Variants in CDC123 observed in about 807,000 individuals in gnomAD.
The protein encoded by CDC123 is cell division cycle 123.
CDC123 carries 37 observed loss-of-function variants against 54.4 expected under a neutral mutation model. The ratio of observed to expected loss-of-function variants is 0.68; its 90% CI spans 0.52 to 0.89. CDC123 has a LOEUF of 0.89. Among genes scored for constraint, CDC123 ranks in the 40% least tolerant of loss-of-function variants. CDC123 has a pLI of 0.00. For synonymous variants in CDC123, 144 were observed against 136.8 expected (o/e 1.05, Z -0.37); for missense variants, 361 against 412.1 (o/e 0.88, Z 1.07).
At chr10:12,215,073 G>A (rs942514122) in intron 4 of CDC123, among the ~76,000 whole-genome samples, 1 of 152,076 alleles carries the variant, frequency 6.6e-6, no homozygotes, top group African/African-American at 2.4e-5. Context: ...TTTAACAGCA[G>A]TATTTCTATT....
In CDC123 at chr10:12,250,278, C is replaced by T. The variant is rs762564439; in HGVS notation, c.985-33C>T. 5 of 1,430,858 alleles carry T rather than the reference C, an allele frequency of 3.5e-6. No individual in the cohort carries two copies. In the East Asian group the frequency reaches 1.2e-4, roughly 35 times the overall value. 88.6% of individuals were successfully genotyped at this position (1,430,858 alleles called of 1,614,324 possible). On this transcript the variant is annotated intron_variant, in intron 12 of 12. Transcript: ENST00000281141. ...GAGCAGATATCCCAAGGAGCATGTG[C>T]TATTTTAACATCCCCTTGGTTTTCT... is the stretch of plus-strand genomic sequence containing the variant.
intron 2 of CDC123, among the ~76,000 whole-genome samples, chr10:12,199,429 T>A (rs1168875594): frequency 6.6e-6 from 1 of 152,234 alleles, no homozygotes; most frequent in East Asian, 1.9e-4. Flanking sequence ...TTCATTTTTC[T>A]GCATAACACT....
intron 6 of CDC123, among the ~76,000 whole-genome samples, chr10:12,222,664 T>A (rs1408971522): frequency 6.6e-6 from 1 of 152,222 alleles, no homozygotes; most frequent in East Asian, 1.9e-4. Context: ...AGTGAAAAAA[T>A]AAATTTGTTA....
In CDC123 at chr10:12,229,416, C is replaced by T. The variant is rs1443952929; in HGVS notation, c.441-1532C>T. On this transcript the variant is annotated intron_variant, in intron 6 of 12. Coordinates refer to ENST00000281141, the MANE Select transcript of CDC123 (RefSeq NM_006023.3). ...AGAGTTTCTGTCCAGCTCCATCTGT[C>T]GCAGTTCCCCCTTGAGTCCTGCACT... is the stretch of plus-strand genomic sequence containing the variant. Among the ~76,000 whole-genome samples the T allele has an allele frequency of 4.6e-5, 7 of 152,188 alleles. No homozygotes were observed. The South Asian group carries it at 8.3e-4, about 18-fold the overall frequency.
intron 10 of CDC123, chr10:12,245,720 T>G (rs1836124385): frequency 6.4e-6 from 1 of 157,380 alleles, no homozygotes; most frequent in South Asian, 1.8e-4. Context: ...AGATGGGATA[T>G]AGACAGATGA....
At chr10:12,201,511 G>A (rs190988122) in intron 2 of CDC123, among the ~76,000 whole-genome samples, 2 of 152,196 alleles carry the variant, frequency 1.3e-5, no homozygotes, top group Admixed American at 1.3e-4. Flanking sequence ...CCAGGTGGGG[G>A]GAACAGCATT....
intron 11 of CDC123, chr10:12,246,944 C>G (rs1388381364): frequency 6.7e-6 from 1 of 149,820 alleles, no homozygotes; most frequent in Non-Finnish European, 1.5e-5. Flanking sequence ...CTCACCTCCC[C>G]CTCAGGACAC....
intron 6 of CDC123, among the ~76,000 whole-genome samples, chr10:12,220,121 G>A (rs1835716363): frequency 6.6e-6 from 1 of 152,184 alleles, no homozygotes; most frequent in Non-Finnish European, 1.5e-5. Context: ...GTGAGCCACT[G>A]TGCCTGGCCC....
intron 6 of CDC123, among the ~76,000 whole-genome samples, chr10:12,221,665 T>C (rs1588675767): frequency 6.6e-6 from 1 of 152,086 alleles, no homozygotes; most frequent in African/African-American, 2.4e-5. Flanking sequence ...TTCATAAACT[T>C]TCAAACATCG....
rs1835398609 is a variant in CDC123 at position 12,198,780 on chromosome 10, A to T, written c.146+4A>T. ...GAACTCTGGTGGTTTCAGGAAGGTAAAGTATTTTAGAAAAAAATTTCTTAA... is the reference window on the plus strand; with the variant it reads ...GAACTCTGGTGGTTTCAGGAAGGTATAGTATTTTAGAAAAAAATTTCTTAA... On this transcript the variant is annotated splice_donor_region_variant and intron_variant, in intron 2 of 12. Coordinates refer to ENST00000281141, the MANE Select transcript of CDC123 (RefSeq NM_006023.3). The T allele has an allele frequency of 6.5e-7, 1 of 1,535,866 alleles. No individual in the cohort carries two copies. The highest frequency in any genetic ancestry group is 1.4e-5 in the African/African-American group (1 of 72,812).
rs373454189 is a variant in CDC123 at position 12,238,469 on chromosome 10, T to C, written c.701T>C (p.Ile234Thr). ...KFLDEDFVFD[I>T]YRDSRGKVWL... The stretch of plus-strand genomic sequence containing the variant: ...TTCTCCTTTACAGTTGTGTTCGATA[T>C]ATACAGAGACAGTAGGGTAAGTAAA... The change falls in exon 10 of 13, where the codon ATA becomes ACA. Residue 234 changes from isoleucine to threonine, a missense_variant. Coordinates refer to ENST00000281141, the MANE Select transcript of CDC123 (RefSeq NM_006023.3). 1.4e-4 allele frequency: 224 copies of C among 1,607,628 alleles called. 1 individual carries two copies. Among genetic ancestry groups the C allele is most frequent in the Middle Eastern group, 3.3e-4 (2 of 6,068 alleles).
intron 6 of CDC123, among the ~76,000 whole-genome samples, chr10:12,229,762 A>G (rs1835873122): frequency 1.3e-5 from 2 of 152,274 alleles, no homozygotes; most frequent in African/African-American, 4.8e-5. Context: ...GCGATATGAA[A>G]CATTGTTGAT....
At chr10:12,224,029 C>T (rs760263146) in intron 6 of CDC123, among the ~76,000 whole-genome samples, 3 of 152,230 alleles carry the variant, frequency 2.0e-5, no homozygotes, top group Non-Finnish European at 4.4e-5. Flanking sequence ...ACCCTTTCCC[C>T]TGAGTCCCAG....
intron 6 of CDC123, among the ~76,000 whole-genome samples, chr10:12,221,062 TTA>T (rs1323117988): frequency 2.0e-5 from 3 of 150,854 alleles, no homozygotes; most frequent in Admixed American, 6.6e-5. Context: ...TATAATACAG[TTA>T]TATATAATAT....
At chr10:12,208,220 A>AT (rs2131735150) in intron 2 of CDC123, among the ~76,000 whole-genome samples, 1 of 151,816 alleles carries the variant, frequency 6.6e-6, no homozygotes, top group East Asian at 1.9e-4. Context: ...TTTTATGATT[A>AT]TTTTTCTCAA....
chr10:12,213,343 C>T (rs946204806), intron 4 of CDC123, among the ~76,000 whole-genome samples: 1 of 152,162 alleles, frequency 6.6e-6, no homozygotes, highest in South Asian at 2.1e-4. Context: ...GTCACAGCTG[C>T]GCAGCCTGAG....
In CDC123 at chr10:12,206,816, G is replaced by A. The variant is rs376909663; in HGVS notation, c.147-3151G>A. On this transcript the variant is annotated intron_variant, in intron 2 of 12. Transcript: ENST00000281141. Reference sequence around the variant, plus strand: ...TACTAAAAATGCAAAAAAATTAGCCGGGTGTGGTGGCGGGCGCCTGGAGTC... The same window carrying A: ...TACTAAAAATGCAAAAAAATTAGCCAGGTGTGGTGGCGGGCGCCTGGAGTC... 4.6e-5 allele frequency among the ~76,000 whole-genome samples: 7 copies of A among 152,108 alleles called. No individual in the cohort carries two copies. The South Asian group carries it at 8.3e-4, about 18-fold the overall frequency.
At chr10:12,225,606 G>A (rs1206198993) in intron 6 of CDC123, among the ~76,000 whole-genome samples, 1 of 152,034 alleles carries the variant, frequency 6.6e-6, no homozygotes. Flanking sequence ...GAAAAAGCGG[G>A]CCTGACAAGT....
chr10:12,199,195 A>G (rs1182364367), intron 2 of CDC123, among the ~76,000 whole-genome samples: 1 of 152,078 alleles, frequency 6.6e-6, no homozygotes, highest in Non-Finnish European at 1.5e-5. Flanking sequence ...CCCCCCCTCC[A>G]CTTTCTAGAA....
Sources: gnomAD v4.1 joint callset for allele counts (sites outside exome capture counted in the v4.1 genomes callset) on GRCh38, gnomAD v4.1.1 for gene constraint, MANE v1.5 for transcripts, NCBI Gene and HGNC (gene_info 2026-07-23, HGNC 2026-07-21) for gene names.